The following GIGYF2 variants were observed in gnomAD, a reference collection of about 807,000 sequenced individuals.
GIGYF2 encodes the protein GRB10 interacting GYF protein 2.
Under a neutral mutation model 208.1 loss-of-function variants are expected in GIGYF2, and 25 were observed. The observed-to-expected ratio is 0.12, with a 90% CI of 0.09 to 0.17. The LOEUF (loss-of-function observed/expected upper bound fraction) is 0.17. Among genes scored for constraint, GIGYF2 ranks in the 10% least tolerant of loss-of-function variants. The pLI is 1.00. For synonymous variants in GIGYF2, 534 were observed against 543.8 expected (o/e 0.98, Z 0.25); for missense variants, 1,302 against 1,579.4 (o/e 0.82, Z 2.98).
chr2:232,832,760 C>A, intron 21 of GIGYF2, 97 bp from the exon 22 acceptor site: 1 of 851,740 alleles, frequency 1.2e-6, no homozygotes, highest in Non-Finnish European at 1.9e-6. Context: ...TCTCTGTCAT[C>A]TCTATAGCCA....
Position 232,730,547 on chromosome 2 carries a change from G to A in GIGYF2, c.-43-4608G>A, listed in dbSNP as rs1697423515. Among the ~76,000 whole-genome samples, 3 of 150,722 alleles carry A rather than the reference G, an allele frequency of 2.0e-5. 1 individual carries two copies. Among genetic ancestry groups the A allele is most frequent in the African/African-American group, 7.3e-5 (3 of 40,868 alleles). ...TTGAACCTGGGAGACGAAGGTTGCA[G>A]TGAGCCAAGATCATGCCACTGCACT... On this transcript the variant is annotated intron_variant, in intron 2 of 28. Coordinates refer to ENST00000373563, the MANE Select transcript of GIGYF2 (RefSeq NM_001103146.3).
At chr2:232,764,861 A>G (rs1363542127) in intron 8 of GIGYF2, among the ~76,000 whole-genome samples, 1 of 152,144 alleles carries the variant, frequency 6.6e-6, no homozygotes, top group Non-Finnish European at 1.5e-5. Flanking sequence ...TGGTTTTCAT[A>G]TTTTAACTAT....
intron 3 of GIGYF2, among the ~76,000 whole-genome samples, chr2:232,745,078 C>A (rs1698101704): frequency 6.6e-6 from 1 of 152,102 alleles, no homozygotes; most frequent in Admixed American, 6.5e-5. Flanking sequence ...AAAGCAGTTT[C>A]TTGGAAGGTA....
chr2:232,702,957 G>A (rs1695922058), intron 1 of GIGYF2, among the ~76,000 whole-genome samples: 1 of 152,092 alleles, frequency 6.6e-6, no homozygotes, highest in South Asian at 2.1e-4. Context: ...CACCATGCCT[G>A]GCTAATTTTT....
intron 9 of GIGYF2, among the ~76,000 whole-genome samples, chr2:232,790,059 C>T (rs1390116434): frequency 1.3e-5 from 2 of 151,998 alleles, no homozygotes; most frequent in Admixed American, 6.6e-5. Flanking sequence ...GTTACTTCTG[C>T]TGGCAAAGTT....
At position 232,736,795 on chromosome 2, in the gene GIGYF2, A is replaced by G. The variant is rs559009617; in HGVS notation, c.41+1557A>G. ...AACTGCTTCTCTTTTATATTTACATACCCTCATGTCTGTTTCTTTATAAAA... is the reference window on the plus strand; with the variant it reads ...AACTGCTTCTCTTTTATATTTACATGCCCTCATGTCTGTTTCTTTATAAAA... On this transcript the variant is annotated intron_variant, in intron 3 of 28. Transcript: ENST00000373563. 4 of 152,202 alleles carry G rather than the reference A, an allele frequency of 2.6e-5. No homozygotes were observed. The East Asian group carries it at 7.7e-4, about 29-fold the overall frequency. 9.4% of individuals were successfully genotyped at this position (152,202 alleles called of 1,614,324 possible). A position where few individuals can be genotyped will look rare whatever the true frequency, so the allele number is the denominator to read the frequency against.
At chr2:232,820,097 A>G in intron 21 of GIGYF2, 112 bp downstream of exon 21, 1 of 1,161,212 alleles carries the variant, frequency 8.6e-7, no homozygotes, top group South Asian at 1.3e-5. Flanking sequence ...GTTGCTAAAA[A>G]TTAACCAAAA....
chr2:232,800,643 G>T (rs1700368893), intron 14 of GIGYF2, among the ~76,000 whole-genome samples: 1 of 151,004 alleles, frequency 6.6e-6, no homozygotes, highest in African/African-American at 2.4e-5. Flanking sequence ...GGAGTGCAGT[G>T]GTATGATAAT....
intron 8 of GIGYF2, among the ~76,000 whole-genome samples, chr2:232,779,786 T>C (rs1699649857): frequency 6.6e-6 from 1 of 152,206 alleles, no homozygotes; most frequent in Non-Finnish European, 1.5e-5. Context: ...AGGTTATTTA[T>C]TCCTCAGGGA....
intron 1 of GIGYF2, among the ~76,000 whole-genome samples, chr2:232,702,401 T>G (rs1327385612): frequency 1.3e-5 from 2 of 151,410 alleles, no homozygotes; most frequent in East Asian, 3.9e-4. Flanking sequence ...ATCGTGCCAC[T>G]GCACTCCAGC....
At chr2:232,716,279 G>A (rs1301670857) in intron 2 of GIGYF2, among the ~76,000 whole-genome samples, 2 of 151,314 alleles carry the variant, frequency 1.3e-5, no homozygotes, top group Non-Finnish European at 2.9e-5. Flanking sequence ...TTTTAGCCTA[G>A]TAAATGAGTC....
In GIGYF2 at chr2:232,791,168, T is replaced by G; in HGVS notation, c.1091T>G (p.Val364Gly). Residue 364 changes from valine (V) to glycine (G), a missense_variant and splice_region_variant, in exon 11 of 29, where the codon GTT becomes GGT. Coordinates refer to ENST00000373563, the MANE Select transcript of GIGYF2 (RefSeq NM_001103146.3). ...GGAGAGAAAACAGATAGAGTAGGAG[T>G]TGGTAAGGCCTCTTCTTGCCCTTTG... Reference protein sequence around the residue: ...KEGEKTDRVGVEASEETPQTS... With the variant: ...KEGEKTDRVGGEASEETPQTS... The G allele has an allele frequency of 6.2e-7, 1 of 1,613,534 alleles. No homozygotes were observed. Among genetic ancestry groups the G allele is most frequent in the Non-Finnish European group, 8.5e-7 (1 of 1,179,852 alleles).
At chr2:232,814,768 T>C (rs1446309) in intron 18 of GIGYF2, among the ~76,000 whole-genome samples, 2,569 of 152,294 alleles carry the variant, frequency 0.017, 163 homozygotes, top group East Asian at 0.11. Flanking sequence ...TATTCTGTAG[T>C]GTTTTGGAAA....
At chr2:232,815,614 T>G in intron 18 of GIGYF2, 23 bp from the exon 19 acceptor site, 1 of 1,221,154 alleles carries the variant, frequency 8.2e-7, no homozygotes, top group Non-Finnish European at 1.2e-6. Flanking sequence ...TCATTCCTCG[T>G]TGTTTCTTTT....
intron 12 of GIGYF2, among the ~76,000 whole-genome samples, chr2:232,792,499 A>T (rs1015110919): frequency 1.3e-5 from 2 of 152,168 alleles, no homozygotes; most frequent in Non-Finnish European, 2.9e-5. Flanking sequence ...CTACTCGGGA[A>T]GCTGAAATGG....
At chr2:232,792,069 T>C (rs1362591911) in intron 12 of GIGYF2, among the ~76,000 whole-genome samples, 1 of 152,232 alleles carries the variant, frequency 6.6e-6, no homozygotes, top group Non-Finnish European at 1.5e-5. Flanking sequence ...CCCTTTAACA[T>C]GGCATATGAG....
At chr2:232,799,757 A>G (rs1036601047) in intron 14 of GIGYF2, among the ~76,000 whole-genome samples, 2 of 152,158 alleles carry the variant, frequency 1.3e-5, no homozygotes, top group Non-Finnish European at 2.9e-5. Flanking sequence ...TCTCAAAAAC[A>G]GTCCACAAGG....
At chr2:232,726,317 C>T (rs372554447) in intron 2 of GIGYF2, among the ~76,000 whole-genome samples, 8 of 149,514 alleles carry the variant, frequency 5.4e-5, no homozygotes, top group African/African-American at 2.0e-4. Context: ...TGCAGTGAGC[C>T]GCTGTCGCAC....
chr2:232,810,119 C>T lies in GIGYF2; in HGVS notation c.1898+308C>T, dbSNP rs189469887. ...TCTCGTGCTTCAGCCTCCTGAGTAG[C>T]TGGGACTACAGGCGTGTGCCACCAC... On this transcript the variant is annotated intron_variant, in intron 16 of 28. Coordinates refer to ENST00000373563, the MANE Select transcript of GIGYF2 (RefSeq NM_001103146.3). Among the ~76,000 whole-genome samples, 901 of 152,330 alleles carry T rather than the reference C, an allele frequency of 5.9e-3. 2 individuals are homozygous for T. The highest frequency in any genetic ancestry group is 8.6e-3 in the Non-Finnish European group (587 of 68,038).
Sources: allele counts gnomAD v4.1 joint callset (sites outside exome capture counted in the v4.1 genomes callset), GRCh38; gene constraint gnomAD v4.1.1; transcripts MANE v1.5; gene names NCBI Gene and HGNC (gene_info 2026-07-23, HGNC 2026-07-21).